PPARGC1A: variants seen among roughly 807,000 people sequenced by gnomAD.
PPARGC1A encodes PPARG coactivator 1 alpha.
A neutral mutation model predicts 88.7 loss-of-function variants in PPARGC1A; 25 were observed. The observed-to-expected ratio is 0.28, with a 90% CI of 0.21 to 0.39. PPARGC1A has a LOEUF of 0.39. Ranked by LOEUF, PPARGC1A falls within the 10% of genes least tolerant of loss-of-function variation. The pLI is 1.00. For synonymous variants in PPARGC1A, 363 were observed against 355.6 expected, an observed-to-expected ratio of 1.02 and a Z score of -0.24; for missense variants, 880 against 968.7, an observed-to-expected ratio of 0.91 and a Z score of 1.22.
chr4:24,397,617 A>G, the PPARGC1A span, among the ~76,000 whole-genome samples: 3 of 152,144 alleles, frequency 2.0e-5, no homozygotes, highest in African/African-American at 7.2e-5. Context: ...GCTGGAACGG[A>G]TGACTAGCGC....
chr4:24,397,161 G>A, the PPARGC1A span, among the ~76,000 whole-genome samples: 7 of 152,216 alleles, frequency 4.6e-5, 1 homozygote, highest in East Asian at 9.7e-4. Flanking sequence ...AGTAATCAAA[G>A]AAGAGTAAAT....
At chr4:24,321,370 A>G in the PPARGC1A span, among the ~76,000 whole-genome samples, 2 of 152,214 alleles carry the variant, frequency 1.3e-5, no homozygotes, top group Non-Finnish European at 2.9e-5. Flanking sequence ...GCATAATCCT[A>G]TAATGATGAA....
At chr4:24,371,181 T>C in the PPARGC1A span, among the ~76,000 whole-genome samples, 3 of 152,202 alleles carry the variant, frequency 2.0e-5, no homozygotes, top group South Asian at 4.1e-4. Context: ...CAGTCTATCA[T>C]TGATGGGCAT....
chr4:24,024,022 C>T, the PPARGC1A span, among the ~76,000 whole-genome samples: 5 of 152,280 alleles, frequency 3.3e-5, no homozygotes, highest in Admixed American at 1.3e-4. Context: ...GGGCATGATT[C>T]GCTAGTTTTT....
chr4:23,800,477 T>C (rs1718462832), intron 12 of PPARGC1A, among the ~76,000 whole-genome samples: 1 of 151,874 alleles, frequency 6.6e-6, no homozygotes, highest in African/African-American at 2.4e-5. Context: ...AATGGTACTA[T>C]TCACTCAGCA....
At chr4:23,860,146 C>T (rs543002765) in intron 2 of PPARGC1A, among the ~76,000 whole-genome samples, 1 of 151,958 alleles carries the variant, frequency 6.6e-6, no homozygotes, top group African/African-American at 2.4e-5. Flanking sequence ...GTGGCACGCA[C>T]CTGTAGTCCT....
intron 2 of PPARGC1A, among the ~76,000 whole-genome samples, chr4:23,869,095 C>G (rs1712697909): frequency 1.3e-5 from 2 of 152,118 alleles, no homozygotes. Flanking sequence ...AAAGGCTCAC[C>G]ACTGGCACCA....
At chr4:24,465,233 C>A in the PPARGC1A span, among the ~76,000 whole-genome samples, 1 of 152,186 alleles carries the variant, frequency 6.6e-6, no homozygotes, top group Non-Finnish European at 1.5e-5. Flanking sequence ...GGGGGTGGAT[C>A]TGGTACCATA....
chr4:24,031,437 A>G, the PPARGC1A span, among the ~76,000 whole-genome samples: 21,081 of 152,126 alleles, frequency 0.14, 1,706 homozygotes, highest in South Asian at 0.21. Context: ...TTGAATAACA[A>G]AATTTATATG....
At chr4:24,159,444 C>T in the PPARGC1A span, among the ~76,000 whole-genome samples, 6 of 152,030 alleles carry the variant, frequency 3.9e-5, no homozygotes, top group Admixed American at 6.5e-5. Context: ...CTCCTGACCT[C>T]GTGATCTGCC....
At chr4:23,847,168 A>G (rs1014301182) in intron 2 of PPARGC1A, among the ~76,000 whole-genome samples, 49 of 152,310 alleles carry the variant, frequency 3.2e-4, no homozygotes, top group African/African-American at 1.1e-3. Flanking sequence ...CCTGTAAAAG[A>G]TTAAATAATA....
the PPARGC1A span, among the ~76,000 whole-genome samples, chr4:24,262,549 C>A: frequency 6.6e-6 from 1 of 152,160 alleles, no homozygotes; most frequent in East Asian, 1.9e-4. Flanking sequence ...ACCTATGCAC[C>A]AGTGAAAATA....
At chr4:24,122,531 A>G in the PPARGC1A span, among the ~76,000 whole-genome samples, 5 of 151,798 alleles carry the variant, frequency 3.3e-5, no homozygotes, top group Non-Finnish European at 5.9e-5. Context: ...ATTTTAACTC[A>G]TCCCATCATT....
At chr4:24,391,514 G>T in the PPARGC1A span, among the ~76,000 whole-genome samples, 2 of 152,214 alleles carry the variant, frequency 1.3e-5, no homozygotes, top group South Asian at 4.1e-4. Context: ...TGGATATGCT[G>T]ATTTTAAAAA....
chr4:24,103,949 C>G, the PPARGC1A span, among the ~76,000 whole-genome samples: 1 of 152,152 alleles, frequency 6.6e-6, no homozygotes, highest in Non-Finnish European at 1.5e-5. Flanking sequence ...GGTGAAACAT[C>G]GTGTGCATTT....
the PPARGC1A span, among the ~76,000 whole-genome samples, chr4:24,253,607 C>T: frequency 4.6e-5 from 7 of 152,184 alleles, no homozygotes; most frequent in East Asian, 1.9e-4. Context: ...GTAAGATTAA[C>T]ACATTCAACA....
chr4:24,376,986 G>A, the PPARGC1A span, among the ~76,000 whole-genome samples: 1 of 151,992 alleles, frequency 6.6e-6, no homozygotes, highest in African/African-American at 2.4e-5. Context: ...CAATAAAATC[G>A]TGTGCAATAA....
chr4:24,283,244 C>T, the PPARGC1A span, among the ~76,000 whole-genome samples: 76 of 152,182 alleles, frequency 5.0e-4, no homozygotes, highest in African/African-American at 1.8e-3. Flanking sequence ...ACTTTTCCAC[C>T]CTATCCATGT....
At chr4:23,962,991 G>A in the PPARGC1A span, among the ~76,000 whole-genome samples, 200 of 152,236 alleles carry the variant, frequency 1.3e-3, 2 homozygotes, top group East Asian at 0.034. Flanking sequence ...AGTGTTTCTC[G>A]CCAGGAATAA....
Sources: gnomAD v4.1 joint callset for allele counts (sites outside exome capture counted in the v4.1 genomes callset) on GRCh38, gnomAD v4.1.1 for gene constraint, MANE v1.5 for transcripts, NCBI Gene and HGNC (gene_info 2026-07-23, HGNC 2026-07-21) for gene names.